BIRC5: variants seen among roughly 807,000 people sequenced by gnomAD.
The protein encoded by BIRC5 is baculoviral IAP repeat-containing protein 5.
In BIRC5, 8 loss-of-function variants were observed where a neutral mutation model predicts 15.8. The ratio of observed to expected loss-of-function variants is 0.51; its 90% CI spans 0.30 to 0.91. The LOEUF (loss-of-function observed/expected upper bound fraction) is 0.91, where lower values mean the gene tolerates loss of function less well. Ranked by LOEUF, BIRC5 falls within the 40% of genes least tolerant of loss-of-function variation. The probability of loss-of-function intolerance (pLI) is 0.07; values close to 1 mark genes in which losing one functional copy is unlikely to be tolerated. For synonymous variants in BIRC5, 56 were observed against 64.5 expected, an observed-to-expected ratio of 0.87 and a Z score of 0.63; for missense variants, 163 against 178.6, an observed-to-expected ratio of 0.91 and a Z score of 0.50.
intron 3 of BIRC5, among the ~76,000 whole-genome samples, chr17:78,223,195 G>A (rs772421610): frequency 3.9e-5 from 6 of 152,198 alleles, no homozygotes; most frequent in Non-Finnish European, 7.4e-5. Context: ...TCAGTTAATG[G>A]AGGAAGCAGG....
intron 3 of BIRC5, among the ~76,000 whole-genome samples, chr17:78,222,652 C>T (rs937450401): frequency 2.0e-5 from 3 of 152,046 alleles, no homozygotes; most frequent in African/African-American, 7.2e-5. Context: ...GCAACAAGAG[C>T]GAAAGTCCGT....
Position 78,216,695 on chromosome 17 carries a change from G to C in BIRC5, c.253G>C (p.Ala85Pro). ...EEHKKHSSGC[A>P]FLSVKKQFEE... ...ACATAAAAAGCATTCGTCCGGTTGC[G>C]CTTTCCTTTCTGTCAAGAAGCAGTT... The change falls in exon 3 of 4, where the codon GCT becomes CCT. Residue 85 changes from alanine (A) to proline (P), a missense_variant. Ala to Pro is a conservative substitution (Grantham distance 27). Transcript: ENST00000350051. 6.2e-7 allele frequency: 1 copy of C among 1,613,812 alleles called. No individual in the cohort carries two copies. The highest frequency in any genetic ancestry group is 8.5e-7 in the Non-Finnish European group (1 of 1,179,836).
At chr17:78,215,431 GAAA>G (rs955782633) in intron 2 of BIRC5, among the ~76,000 whole-genome samples, 1 of 135,522 alleles carries the variant, frequency 7.4e-6, no homozygotes, top group Non-Finnish European at 1.6e-5. Flanking sequence ...ATAAAAAATT[GAAA>G]AAAAAAAAAG....
intron 3 of BIRC5, among the ~76,000 whole-genome samples, chr17:78,219,223 C>T (rs1402002866): frequency 6.6e-6 from 1 of 152,108 alleles, no homozygotes; most frequent in African/African-American, 2.4e-5. Flanking sequence ...GTCACTCAGT[C>T]GCCCAGGCTG....
At chr17:78,215,294 G>A (rs992440831) in intron 2 of BIRC5, among the ~76,000 whole-genome samples, 2 of 152,122 alleles carry the variant, frequency 1.3e-5, no homozygotes, top group East Asian at 1.9e-4. Context: ...GCGCACGCCC[G>A]TAATCCCAGC....
intron 3 of BIRC5, among the ~76,000 whole-genome samples, chr17:78,220,704 T>G (rs1165262978): frequency 6.6e-6 from 1 of 152,084 alleles, no homozygotes; most frequent in Non-Finnish European, 1.5e-5. Context: ...TTACTTTAAT[T>G]TTGAAACAAT....
chr17:78,222,673 A>G (rs1041519896), intron 3 of BIRC5, among the ~76,000 whole-genome samples: 3 of 152,206 alleles, frequency 2.0e-5, no homozygotes, highest in Admixed American at 2.0e-4. Context: ...CTCAAAAAAA[A>G]AGTAATTTTT....
rs763111647 is a variant in BIRC5, at chr17:78,214,264, T to C, written c.-53T>C. The C allele has an allele frequency of 1.8e-5, 28 of 1,521,482 alleles. No individual in the cohort carries two copies. The highest frequency in any genetic ancestry group is 2.4e-5 in the Non-Finnish European group (27 of 1,118,348). 94.2% of individuals were successfully genotyped at this position (1,521,482 alleles called of 1,614,324 possible). A position where few individuals can be genotyped will look rare whatever the true frequency, so the allele number is the denominator to read the frequency against. On this transcript the variant is annotated 5_prime_UTR_variant, in exon 1 of 4. Transcript: ENST00000350051. ...TCCCGACATGCCCCGCGGCGCGCCATTAACCGCCAGATTTGAATCGCGGGA... is the reference window on the plus strand; with the variant it reads ...TCCCGACATGCCCCGCGGCGCGCCACTAACCGCCAGATTTGAATCGCGGGA...
chr17:78,220,188 G>A (rs912190568), intron 3 of BIRC5, among the ~76,000 whole-genome samples: 1 of 152,178 alleles, frequency 6.6e-6, no homozygotes, highest in Non-Finnish European at 1.5e-5. Flanking sequence ...CAGCACTTTG[G>A]GAGGCCGAGG....
chr17:78,222,000 C>T (rs1468701664), intron 3 of BIRC5, among the ~76,000 whole-genome samples: 6 of 151,868 alleles, frequency 4.0e-5, no homozygotes, highest in African/African-American at 1.2e-4. Context: ...AGTTTTGAGG[C>T]GAGCCTGGGC....
chr17:78,221,872 G>T (rs1019905349), intron 3 of BIRC5, among the ~76,000 whole-genome samples: 1 of 152,118 alleles, frequency 6.6e-6, no homozygotes, highest in South Asian at 2.1e-4. Flanking sequence ...GGCTCCCTGG[G>T]ACTGCAGAGT....
At chr17:78,216,820 A>C (rs748183625) in intron 3 of BIRC5, 39 bp downstream of exon 3, 1 of 1,509,100 alleles carries the variant, frequency 6.6e-7, no homozygotes, top group South Asian at 1.1e-5. Flanking sequence ...ACCCTGTTCA[A>C]TGTCTTTAGC....
intron 3 of BIRC5, among the ~76,000 whole-genome samples, chr17:78,217,522 A>G (rs2076487545): frequency 1.3e-5 from 2 of 151,254 alleles, no homozygotes; most frequent in South Asian, 4.2e-4. Flanking sequence ...TTTGAGATGG[A>G]GTCTTGCTCT....
At chr17:78,220,220 A>AGATCGAGACCATCCTGG (rs1287549362) in intron 3 of BIRC5, among the ~76,000 whole-genome samples, 1 of 152,132 alleles carries the variant, frequency 6.6e-6, no homozygotes, top group Non-Finnish European at 1.5e-5. Context: ...CGAGGTCAGG[A>AGATCGAGACCATCCTGG]GATCGAGACC....
intron 2 of BIRC5, 115 bp from the exon 3 acceptor site, chr17:78,216,549 C>T: frequency 1.2e-6 from 1 of 823,546 alleles, no homozygotes. Context: ...TGACGTCTTA[C>T]TCCTGAGGCA....
At chr17:78,217,321 A>G (rs1426163336) in intron 3 of BIRC5, among the ~76,000 whole-genome samples, 2 of 151,668 alleles carry the variant, frequency 1.3e-5, no homozygotes, top group East Asian at 1.9e-4. Flanking sequence ...GATTACAGGC[A>G]TGTGCCACCA....
At chr17:78,218,886 T>A (rs1424891446) in intron 3 of BIRC5, among the ~76,000 whole-genome samples, 1 of 152,076 alleles carries the variant, frequency 6.6e-6, no homozygotes, top group East Asian at 1.9e-4. Flanking sequence ...AGATTACAGG[T>A]GTGATCTACT....
chr17:78,216,879 CA>C lies in BIRC5; in HGVS notation c.339+99del. 9.9e-6 allele frequency: 9 copies of C among 907,552 alleles called. No individual in the cohort carries two copies. The African/African-American group carries it at 1.4e-4, about 14-fold the overall frequency. 56.2% of individuals were successfully genotyped at this position (907,552 alleles called of 1,614,324 possible). A position where few individuals can be genotyped will look rare whatever the true frequency, so the allele number is the denominator to read the frequency against. On this transcript the variant is annotated intron_variant, in intron 3 of 3. Transcript: ENST00000350051. Reference sequence around the variant, plus strand: ...GGGACTCTGTGTTTTCCTCAGGAAGCATTTTTTTTTTTTTTCTGAGATAGAG... The same window carrying C: ...GGGACTCTGTGTTTTCCTCAGGAAGCTTTTTTTTTTTTTTCTGAGATAGAG...
At chr17:78,222,469 C>T (rs2076521713) in intron 3 of BIRC5, among the ~76,000 whole-genome samples, 1 of 151,944 alleles carries the variant, frequency 6.6e-6, no homozygotes, top group South Asian at 2.1e-4. Flanking sequence ...GAGTTCGAGA[C>T]CAACCTGACC....
Sources: allele counts gnomAD v4.1 joint callset (sites outside exome capture counted in the v4.1 genomes callset), GRCh38; gene constraint gnomAD v4.1.1; transcripts MANE v1.5; gene names NCBI Gene and HGNC (gene_info 2026-07-23, HGNC 2026-07-21).